The following SPAG17 variants were observed in gnomAD, a reference collection of about 807,000 sequenced individuals.
The protein encoded by SPAG17 is sperm associated antigen 17, also known as sperm-associated antigen 17.
Under a neutral mutation model 273.6 loss-of-function variants are expected in SPAG17, and 169 were observed. The ratio of observed to expected loss-of-function variants is 0.62; its 90% CI spans 0.55 to 0.70. The LOEUF is 0.70. Among genes scored for constraint, SPAG17 ranks in the 30% least tolerant of loss-of-function variants. SPAG17 has a pLI of 0.00. For missense variants in SPAG17, 2,557 were observed against 2,627.8 expected (o/e 0.97, Z 0.59); for synonymous variants, 825 against 873.2 (o/e 0.94, Z 0.97).
At chr1:118,175,612 T>C (rs1392115746) in intron 1 of SPAG17, among the ~76,000 whole-genome samples, 1 of 150,764 alleles carries the variant, frequency 6.6e-6, no homozygotes, top group African/African-American at 2.4e-5. Flanking sequence ...AAGTATATTT[T>C]ATCCAGCAAA....
At chr1:118,056,153 T>C (rs1651650530) in intron 18 of SPAG17, among the ~76,000 whole-genome samples, 1 of 152,138 alleles carries the variant, frequency 6.6e-6, no homozygotes, top group Non-Finnish European at 1.5e-5. Context: ...TCTGACTCAC[T>C]AGGCTTTGGG....
chr1:118,049,591 C>T (rs769979117), intron 20 of SPAG17, among the ~76,000 whole-genome samples: 43 of 152,244 alleles, frequency 2.8e-4, no homozygotes, highest in African/African-American at 8.9e-4. Context: ...TAAAAATGTC[C>T]GTGCTACCCA....
At position 117,967,551 on chromosome 1, in the gene SPAG17, C is replaced by T. The variant is rs540027897; in HGVS notation, c.6388-798G>A. Among the ~76,000 whole-genome samples, 7 of 152,238 alleles carry T rather than the reference C, an allele frequency of 4.6e-5. No homozygotes were observed. In the South Asian group the frequency reaches 8.3e-4, roughly 18 times the overall value. ...GTGTTGGGCTGCATTCAAAGCCGTC[C>T]TGGGCCATGGGTTGGACAAATGTGA... On this transcript the variant is annotated intron_variant, in intron 46 of 48. Transcript: ENST00000336338.
intron 18 of SPAG17, among the ~76,000 whole-genome samples, chr1:118,060,110 A>C (rs1372623344): frequency 6.7e-6 from 1 of 148,886 alleles, no homozygotes; most frequent in Non-Finnish European, 1.5e-5. Context: ...TTTCTTTCCT[A>C]CTCTTTTGCT....
At chr1:117,972,468 A>C (rs1341969519) in intron 44 of SPAG17, among the ~76,000 whole-genome samples, 1 of 152,224 alleles carries the variant, frequency 6.6e-6, no homozygotes, top group Non-Finnish European at 1.5e-5. Context: ...AAGAATTTGC[A>C]TTTATAACAA....
chr1:118,164,897 G>A (rs1660091044), intron 1 of SPAG17, among the ~76,000 whole-genome samples: 1 of 152,168 alleles, frequency 6.6e-6, no homozygotes, highest in African/African-American at 2.4e-5. Context: ...ATTGTGTAAA[G>A]CACACACTTT....
At chr1:118,058,303 G>T (rs1651918869) in intron 18 of SPAG17, among the ~76,000 whole-genome samples, 1 of 152,110 alleles carries the variant, frequency 6.6e-6, no homozygotes, top group South Asian at 2.1e-4. Context: ...AAACTCCTGG[G>T]CTTGAGCAAT....
At chr1:118,034,021 G>A (rs12024758) in intron 24 of SPAG17, among the ~76,000 whole-genome samples, 9,616 of 151,968 alleles carry the variant, frequency 0.063, 513 homozygotes, top group East Asian at 0.31. Context: ...CATCTTAGTG[G>A]CTCAGTGCCA....
At chr1:118,164,426 G>A (rs1397467994) in intron 1 of SPAG17, among the ~76,000 whole-genome samples, 3 of 152,012 alleles carry the variant, frequency 2.0e-5, no homozygotes, top group Non-Finnish European at 4.4e-5. Context: ...GTCTGAAGTT[G>A]GCCATTTCTC....
chr1:118,085,379 T>C (rs1654908787), intron 13 of SPAG17, among the ~76,000 whole-genome samples: 1 of 152,232 alleles, frequency 6.6e-6, no homozygotes, highest in Non-Finnish European at 1.5e-5. Context: ...TCCAGGTTGC[T>C]CTTCCCTCTT....
intron 46 of SPAG17, among the ~76,000 whole-genome samples, chr1:117,967,100 CTTTCA>C (rs1195207599): frequency 2.4e-4 from 36 of 152,170 alleles, no homozygotes; most frequent in African/African-American, 7.9e-4. Context: ...TCGGTAGTGA[CTTTCA>C]GTAGTGAAAT....
rs1313164556 is a variant in SPAG17, at chr1:118,087,001, G to A, written c.1367C>T (p.Ala456Val). 3.2e-6 allele frequency: 5 copies of A among 1,563,116 alleles called. No homozygotes were observed. The South Asian group carries it at 6.0e-5, about 19-fold the overall frequency. Reference protein sequence around the residue: ...ILHCMLEQVVATEEDLVPPSL... With the variant: ...ILHCMLEQVVVTEEDLVPPSL... ...GGGTGGGACGAGATCTTCTTCAGTTGCAACAACCTGTTGAAATCAACAATG... is the reference window on the plus strand; with the variant it reads ...GGGTGGGACGAGATCTTCTTCAGTTACAACAACCTGTTGAAATCAACAATG... Residue 456 changes from alanine to valine, a missense_variant, in exon 11 of 49, where the codon GCA (alanine) becomes GTA (valine). Physicochemically the swap from Ala to Val is moderately conservative, Grantham distance 64. Coordinates refer to ENST00000336338, the MANE Select transcript of SPAG17 (RefSeq NM_206996.4).
chr1:118,086,808 A>G (rs1438878574), intron 11 of SPAG17, 24 bp from the exon 12 acceptor site: 2 of 1,613,876 alleles, frequency 1.2e-6, no homozygotes, highest in African/African-American at 2.7e-5. Context: ...AACAATATTG[A>G]TTTAAAGAGA....
At chr1:117,957,748 C>T (rs1452776160) in intron 48 of SPAG17, among the ~76,000 whole-genome samples, 1 of 152,012 alleles carries the variant, frequency 6.6e-6, no homozygotes. Flanking sequence ...ATGTGTGGCC[C>T]GAGACGGTTC....
chr1:118,131,109 C>T (rs1658030270), intron 3 of SPAG17, among the ~76,000 whole-genome samples: 1 of 152,194 alleles, frequency 6.6e-6, no homozygotes, highest in Non-Finnish European at 1.5e-5. Context: ...GATATAGATT[C>T]CTTAGGATTA....
At chr1:118,066,482 AT>A (rs1652980284) in intron 18 of SPAG17, among the ~76,000 whole-genome samples, 1 of 152,202 alleles carries the variant, frequency 6.6e-6, no homozygotes, top group Non-Finnish European at 1.5e-5. Flanking sequence ...ATCAAATGTA[AT>A]TTAACAACAT....
intron 8 of SPAG17, 110 bp from the exon 9 acceptor site, chr1:118,092,112 G>A: frequency 1.1e-6 from 1 of 883,494 alleles, no homozygotes; most frequent in Admixed American, 2.1e-5. Flanking sequence ...GTATAATTAT[G>A]TTCACACCAC....
intron 42 of SPAG17, among the ~76,000 whole-genome samples, chr1:117,983,555 GTGAACT>G (rs1656068826): frequency 6.6e-6 from 1 of 152,216 alleles, no homozygotes; most frequent in African/African-American, 2.4e-5. Flanking sequence ...TTGTTCCCCA[GTGAACT>G]TTCATTACTT....
At chr1:118,112,896 T>A (rs1281174450) in intron 4 of SPAG17, among the ~76,000 whole-genome samples, 1 of 152,122 alleles carries the variant, frequency 6.6e-6, no homozygotes, top group Non-Finnish European at 1.5e-5. Context: ...TGATATTTCT[T>A]CACTGTATTT....
Sources: gnomAD v4.1 joint callset for allele counts (sites outside exome capture counted in the v4.1 genomes callset) on GRCh38, gnomAD v4.1.1 for gene constraint, MANE v1.5 for transcripts, NCBI Gene and HGNC (gene_info 2026-07-23, HGNC 2026-07-21) for gene names.